SCHIP1: variants seen among roughly 807,000 people sequenced by gnomAD.
SCHIP1 encodes the protein schwannomin-interacting protein 1.
In SCHIP1, 8 loss-of-function variants were observed where a neutral mutation model predicts 29.7. That is an observed-to-expected ratio of 0.27 (90% CI 0.16 to 0.49). The LOEUF is 0.49. Ranked by LOEUF, SCHIP1 falls within the 20% of genes least tolerant of loss-of-function variation. The pLI is 0.99. For synonymous variants in SCHIP1, 76 were observed against 94.9 expected (o/e 0.80, Z 1.16); for missense variants, 193 against 294.6 (o/e 0.66, Z 2.52).
the SCHIP1 span, among the ~76,000 whole-genome samples, chr3:159,478,960 G>A: frequency 7.9e-4 from 120 of 152,168 alleles, no homozygotes; most frequent in Non-Finnish European, 1.4e-3. Flanking sequence ...TTTTCTGGTG[G>A]AGTCTTTAGG....
At chr3:159,712,318 A>C in the SCHIP1 span, among the ~76,000 whole-genome samples, 1 of 152,160 alleles carries the variant, frequency 6.6e-6, no homozygotes, top group Non-Finnish European at 1.5e-5. Context: ...TTTATTCACC[A>C]TATTGTATTT....
chr3:159,831,871 A>G, the SCHIP1 span, among the ~76,000 whole-genome samples: 2 of 152,010 alleles, frequency 1.3e-5, no homozygotes, highest in African/African-American at 4.8e-5. Flanking sequence ...AAAACCTTGA[A>G]AAGCGAAACC....
the SCHIP1 span, among the ~76,000 whole-genome samples, chr3:159,718,710 C>T: frequency 6.6e-6 from 1 of 152,100 alleles, no homozygotes; most frequent in East Asian, 1.9e-4. Flanking sequence ...GAATTACAAA[C>T]CACTGCTCAA....
chr3:159,350,994 T>C, the SCHIP1 span, among the ~76,000 whole-genome samples: 29,396 of 152,076 alleles, frequency 0.19, 3,022 homozygotes, highest in Middle Eastern at 0.29. Context: ...TTACCTAATA[T>C]AAATATATAA....
chr3:159,379,595 G>A, the SCHIP1 span, among the ~76,000 whole-genome samples: 2 of 152,136 alleles, frequency 1.3e-5, no homozygotes, highest in South Asian at 2.1e-4. Flanking sequence ...GTAGTGCATT[G>A]ATGAGTGTGC....
chr3:159,382,085 CACTT>C, the SCHIP1 span, among the ~76,000 whole-genome samples: 5 of 151,778 alleles, frequency 3.3e-5, no homozygotes, highest in African/African-American at 1.2e-4. Flanking sequence ...CACATAGCCA[CACTT>C]ACTTTTTTTT....
the SCHIP1 span, among the ~76,000 whole-genome samples, chr3:159,798,719 T>C: frequency 6.6e-6 from 1 of 151,874 alleles, no homozygotes; most frequent in African/African-American, 2.4e-5. Context: ...TATCATGCCA[T>C]TGCACTCCAG....
the SCHIP1 span, among the ~76,000 whole-genome samples, chr3:159,602,357 T>C: frequency 6.6e-6 from 1 of 152,276 alleles, no homozygotes; most frequent in South Asian, 2.1e-4. Context: ...AGCAGGTGCC[T>C]GATGTCTCTA....
chr3:159,810,178 T>G, the SCHIP1 span, among the ~76,000 whole-genome samples: 1 of 152,172 alleles, frequency 6.6e-6, no homozygotes, highest in African/African-American at 2.4e-5. Context: ...CCCGAGTAGC[T>G]GGGATTACAG....
At chr3:159,896,029 C>T (rs1465070981) in intron 6 of SCHIP1, among the ~76,000 whole-genome samples, 1 of 152,186 alleles carries the variant, frequency 6.6e-6, no homozygotes, top group Non-Finnish European at 1.5e-5. Flanking sequence ...AAGACTCACC[C>T]TATCCTCACT....
the SCHIP1 span, among the ~76,000 whole-genome samples, chr3:159,571,231 C>A: frequency 2.6e-5 from 4 of 152,138 alleles, no homozygotes; most frequent in African/African-American, 9.7e-5. Context: ...CAAGGGAATG[C>A]TTCCAGTTTT....
chr3:159,553,967 C>CGTGTGTGTGTGTGTGTGTGT, the SCHIP1 span, among the ~76,000 whole-genome samples: 23 of 115,788 alleles, frequency 2.0e-4, no homozygotes, highest in South Asian at 3.5e-4. Context: ...CGCCCAGCTA[C>CGTGTGTGTGTGTGTGTGTGT]GTGTGTGTGT....
chr3:159,302,093 A>G, the SCHIP1 span, among the ~76,000 whole-genome samples: 3 of 152,212 alleles, frequency 2.0e-5, no homozygotes, highest in Admixed American at 6.5e-5. Context: ...GCAAATGCCA[A>G]CTGGGAAGAG....
At chr3:159,646,637 G>A in the SCHIP1 span, among the ~76,000 whole-genome samples, 1 of 152,030 alleles carries the variant, frequency 6.6e-6, no homozygotes, top group African/African-American at 2.4e-5. Flanking sequence ...CTGCTTTCTG[G>A]CAGACCCAAC....
the SCHIP1 span, among the ~76,000 whole-genome samples, chr3:159,326,798 T>G: frequency 6.6e-6 from 1 of 152,152 alleles, no homozygotes; most frequent in East Asian, 1.9e-4. Flanking sequence ...CACTGGGTAC[T>G]TTTACAGCTA....
At chr3:159,731,493 C>T in the SCHIP1 span, among the ~76,000 whole-genome samples, 1 of 152,132 alleles carries the variant, frequency 6.6e-6, no homozygotes, top group Non-Finnish European at 1.5e-5. Flanking sequence ...GAGGACTGTG[C>T]GTGTTTATCT....
the SCHIP1 span, among the ~76,000 whole-genome samples, chr3:159,680,699 T>TATATAATATATGTATATATAATATAC: frequency 4.1e-5 from 1 of 24,642 alleles, no homozygotes; most frequent in Non-Finnish European, 6.8e-5. Flanking sequence ...ATATATATAA[T>TATATAATATATGTATATATAATATAC]ATATATTATA....
At chr3:159,634,938 A>T in the SCHIP1 span, among the ~76,000 whole-genome samples, 1 of 152,102 alleles carries the variant, frequency 6.6e-6, no homozygotes, top group Admixed American at 6.6e-5. Context: ...AAGCAACTAA[A>T]CTTCCATGCC....
At chr3:159,370,329 G>A in the SCHIP1 span, among the ~76,000 whole-genome samples, 1 of 152,136 alleles carries the variant, frequency 6.6e-6, no homozygotes, top group Admixed American at 6.6e-5. Context: ...TCATGGGTGT[G>A]GTTCATTTCT....
Sources: allele counts gnomAD v4.1 joint callset (sites outside exome capture counted in the v4.1 genomes callset), GRCh38; gene constraint gnomAD v4.1.1; transcripts MANE v1.5; gene names NCBI Gene and HGNC (gene_info 2026-07-23, HGNC 2026-07-21).